The following SOX5 variants were observed in gnomAD, a reference collection of about 807,000 sequenced individuals.
SOX5 encodes SRY-box transcription factor 5, also known as transcription factor SOX-5.
Under a neutral mutation model 92.0 loss-of-function variants are expected in SOX5, and 9 were observed. The ratio of observed to expected loss-of-function variants is 0.10; its 90% confidence interval spans 0.06 to 0.17. The LOEUF (loss-of-function observed/expected upper bound fraction) is 0.17, where lower values mean the gene tolerates loss of function less well. Ranked by LOEUF, SOX5 falls within the 10% of genes least tolerant of loss-of-function variation. SOX5 has a pLI of 1.00. For synonymous variants in SOX5, 344 were observed against 336.3 expected, an observed-to-expected ratio of 1.02 and a Z score of -0.25; for missense variants, 642 against 944.5, an observed-to-expected ratio of 0.68 and a Z score of 4.20.
intron 1 of SOX5, among the ~76,000 whole-genome samples, chr12:24,392,714 T>C (rs1959120939): frequency 6.6e-6 from 1 of 152,166 alleles, no homozygotes; most frequent in South Asian, 2.1e-4. Flanking sequence ...GAGCAGGGAC[T>C]TTTGTTTTGT....
chr12:24,043,181 G>A (rs1282534711), intron 4 of SOX5, among the ~76,000 whole-genome samples: 1 of 152,120 alleles, frequency 6.6e-6, no homozygotes, highest in Non-Finnish European at 1.5e-5. Context: ...AATTGTTTTT[G>A]TTTAAAGGAA....
intron 2 of SOX5, among the ~76,000 whole-genome samples, chr12:23,846,448 G>T (rs2096576289): frequency 6.6e-6 from 1 of 152,206 alleles, no homozygotes; most frequent in South Asian, 2.1e-4. Flanking sequence ...GTAAGTCAAA[G>T]ATCTATTCAA....
intron 2 of SOX5, chr12:24,357,226 G>A (rs1043383728): frequency 6.6e-6 from 1 of 152,188 alleles, no homozygotes; most frequent in Admixed American, 6.5e-5. Context: ...TAACATGAAG[G>A]AGGAGAAATT....
rs369944491 is a variant in SOX5 at position 24,210,625 on chromosome 12, CA to C, written c.-2+2717del. Reference sequence around the variant, plus strand: ...TGCCAAGTAACTAACTGAATGCACACAATTTTTAAATATTATATATCATTAT... The same window carrying C: ...TGCCAAGTAACTAACTGAATGCACACATTTTTAAATATTATATATCATTAT... On this transcript the variant is annotated intron_variant, in intron 4 of 4. Coordinates refer to the SOX5 transcript ENST00000446891. Among the ~76,000 whole-genome samples the C allele has an allele frequency of 3.3e-4, 50 of 152,170 alleles. 1 individual carries two copies. Among genetic ancestry groups the C allele is most frequent in the African/African-American group, 1.2e-3 (49 of 41,526 alleles).
chr12:24,086,954 CAA>C (rs1174618154), intron 4 of SOX5, among the ~76,000 whole-genome samples: 1 of 151,988 alleles, frequency 6.6e-6, no homozygotes, highest in Non-Finnish European at 1.5e-5. Context: ...ATGTACCAAT[CAA>C]AAAGAGGGTT....
intron 8 of SOX5, among the ~76,000 whole-genome samples, chr12:23,633,553 G>A (rs1489874554): frequency 6.6e-6 from 1 of 152,006 alleles, no homozygotes; most frequent in Admixed American, 6.6e-5. Context: ...TAATAAATAA[G>A]TAAATATCTA....
At chr12:24,114,573 CAAAAAAA>C (rs55913110) in intron 4 of SOX5, among the ~76,000 whole-genome samples, 27 of 40,586 alleles carry the variant, frequency 6.7e-4, no homozygotes, top group East Asian at 4.5e-3. Context: ...CACCCCGTCA[CAAAAAAA>C]AAAAAAAAAA....
At chr12:24,461,547 AAAC>A (rs1397010575) in intron 1 of SOX5, among the ~76,000 whole-genome samples, 3 of 152,214 alleles carry the variant, frequency 2.0e-5, no homozygotes, top group Non-Finnish European at 4.4e-5. Context: ...ATGGAGGTAA[AAAC>A]AACAACATTG....
At chr12:24,020,824 G>C (rs1283957492) in intron 4 of SOX5, among the ~76,000 whole-genome samples, 1 of 152,192 alleles carries the variant, frequency 6.6e-6, no homozygotes, top group Non-Finnish European at 1.5e-5. Flanking sequence ...GGACCTGAGA[G>C]ACGGCACAGT....
intron 4 of SOX5, among the ~76,000 whole-genome samples, chr12:23,753,181 TTAATAG>T (rs1223290501): frequency 6.6e-6 from 1 of 151,816 alleles, no homozygotes; most frequent in African/African-American, 2.4e-5. Flanking sequence ...TTTTTGAATA[TTAATAG>T]TAAGAAACAC....
At chr12:24,068,704 G>GTGTGTATATATATATA (rs1444359956) in intron 4 of SOX5, among the ~76,000 whole-genome samples, 1 of 74,320 alleles carries the variant, frequency 1.3e-5, no homozygotes, top group Non-Finnish European at 2.4e-5. Context: ...GTGTGTGTGT[G>GTGTGTATATATATATA]TATATATATA....
At chr12:24,444,519 T>C (rs1596709884) in intron 1 of SOX5, among the ~76,000 whole-genome samples, 1 of 152,148 alleles carries the variant, frequency 6.6e-6, no homozygotes, top group South Asian at 2.1e-4. Context: ...GGGCATGAAA[T>C]GTATTTGAAT....
chr12:24,074,896 GT>G (rs1569534244), intron 4 of SOX5, among the ~76,000 whole-genome samples: 4 of 146,604 alleles, frequency 2.7e-5, no homozygotes, highest in Non-Finnish European at 6.1e-5. Context: ...TTGTTTGTTT[GT>G]TTTATTTTGT....
At chr12:24,389,589 A>C (rs1476549786) in intron 1 of SOX5, among the ~76,000 whole-genome samples, 1 of 152,146 alleles carries the variant, frequency 6.6e-6, no homozygotes, top group Non-Finnish European at 1.5e-5. Flanking sequence ...GCAATATTCC[A>C]TTGCATAGAT....
At chr12:24,132,081 C>T (rs569057049) in intron 4 of SOX5, among the ~76,000 whole-genome samples, 2 of 152,078 alleles carry the variant, frequency 1.3e-5, no homozygotes, top group African/African-American at 4.8e-5. Flanking sequence ...CTCTTCAATC[C>T]CTAATGCTAA....
intron 4 of SOX5, among the ~76,000 whole-genome samples, chr12:24,028,408 T>C (rs548423013): frequency 6.6e-6 from 1 of 152,110 alleles, no homozygotes; most frequent in African/African-American, 2.4e-5. Context: ...AAAGTAGTAA[T>C]ATATCAAATA....
chr12:23,615,915 T>C (rs1234449105), intron 8 of SOX5, among the ~76,000 whole-genome samples: 1 of 152,218 alleles, frequency 6.6e-6, no homozygotes, highest in African/African-American at 2.4e-5. Context: ...AATAGTACTG[T>C]ATAGCTATTA....
chr12:23,840,211 GAC>G (rs1239804416), intron 3 of SOX5, among the ~76,000 whole-genome samples: 2 of 151,684 alleles, frequency 1.3e-5, no homozygotes, highest in African/African-American at 4.8e-5. Context: ...AAATTAAAAA[GAC>G]AATATAATTT....
chr12:24,348,049 CAAAAAAAAAA>C (rs1182462748), intron 2 of SOX5, among the ~76,000 whole-genome samples: 13 of 72,734 alleles, frequency 1.8e-4, no homozygotes, highest in African/African-American at 6.1e-4. Context: ...TACAGCTAAT[CAAAAAAAAAA>C]AAAAAAAAAA....
Sources: allele counts gnomAD v4.1 joint callset (sites outside exome capture counted in the v4.1 genomes callset), GRCh38; gene constraint gnomAD v4.1.1; transcripts MANE v1.5; gene names NCBI Gene and HGNC (gene_info 2026-07-23, HGNC 2026-07-21).